Variants in FANCD2 observed in about 807,000 individuals in gnomAD.
FANCD2 encodes FA complementation group D2.
In FANCD2, 131 loss-of-function variants were observed where a neutral mutation model predicts 192.3. The observed-to-expected ratio is 0.68, with a 90% CI of 0.59 to 0.79. The LOEUF is 0.79. FANCD2 is among the 30% of genes least tolerant of loss of function. FANCD2 has a pLI of 0.00. For missense variants in FANCD2, 1,508 were observed against 1,701.6 expected (o/e 0.89, Z 2.00); for synonymous variants, 524 against 612.5 (o/e 0.86, Z 2.13).
At chr3:10,067,729 C>T (rs371961988) in intron 26 of FANCD2, among the ~76,000 whole-genome samples, 3 of 152,064 alleles carry the variant, frequency 2.0e-5, no homozygotes, top group Non-Finnish European at 2.9e-5. Context: ...ACCTGGGAGG[C>T]GGAGGTTGCA....
At chr3:10,055,528 C>T (rs1035414132) in intron 18 of FANCD2, among the ~76,000 whole-genome samples, 30 of 152,006 alleles carry the variant, frequency 2.0e-4, no homozygotes, top group African/African-American at 7.2e-4. Flanking sequence ...TAATTCCATT[C>T]TTGGCCGGGC....
At position 10,045,357 on chromosome 3, in the gene FANCD2, A is replaced by T. The variant is rs571561486; in HGVS notation, c.1135-1223A>T. 9.2e-5 allele frequency among the ~76,000 whole-genome samples: 14 copies of T among 151,982 alleles called. No individual in the cohort carries two copies. The South Asian group carries it at 2.9e-3, about 32-fold the overall frequency. ...CTAATTTTTTGTATTTTTAGTGGAAATGGGGCTTCATCATGTTAGCCAGGA... is the reference window on the plus strand; with the variant it reads ...CTAATTTTTTGTATTTTTAGTGGAATTGGGGCTTCATCATGTTAGCCAGGA... On this transcript the variant is annotated intron_variant, in intron 14 of 43. Transcript: ENST00000675286.
chr3:10,091,097 T>G (rs1195570952), intron 37 of FANCD2, among the ~76,000 whole-genome samples: 1 of 151,348 alleles, frequency 6.6e-6, no homozygotes, highest in Non-Finnish European at 1.5e-5. Context: ...TTTTTTCTTT[T>G]TGAGACAGGG....
chr3:10,068,338 C>T (rs909681605), intron 26 of FANCD2, among the ~76,000 whole-genome samples: 5 of 151,754 alleles, frequency 3.3e-5, no homozygotes, highest in Non-Finnish European at 7.4e-5. Flanking sequence ...TGTATGCCAA[C>T]AACTAAGAAT....
At chr3:10,076,766 G>A (rs768544539) in intron 29 of FANCD2, among the ~76,000 whole-genome samples, 3 of 152,042 alleles carry the variant, frequency 2.0e-5, no homozygotes, top group Admixed American at 6.6e-5. Context: ...TGCTCTGTCC[G>A]TCAGTCTGGA....
chr3:10,073,085 A>G, intron 27 of FANCD2, 104 bp downstream of exon 27: 1 of 850,948 alleles, frequency 1.2e-6, no homozygotes. Context: ...ACAATTGTAT[A>G]ACTGAACTCT....
chr3:10,030,900 C>CAA (rs111338639), intron 2 of FANCD2, among the ~76,000 whole-genome samples: 15 of 145,210 alleles, frequency 1.0e-4, no homozygotes, highest in African/African-American at 2.0e-4. Flanking sequence ...ACTCTTATCT[C>CAA]AAAAAAAAAA....
In FANCD2 at chr3:10,029,942, C is replaced by G. The variant is rs562135363; in HGVS notation, c.64+1221C>G. Among the ~76,000 whole-genome samples the G allele has an allele frequency of 3.9e-5, 6 of 152,078 alleles. No homozygotes were observed. The South Asian group carries it at 1.3e-3, about 32-fold the overall frequency. On this transcript the variant is annotated intron_variant, in intron 2 of 43. Coordinates refer to ENST00000675286, the MANE Select transcript of FANCD2 (RefSeq NM_001018115.3). ...GGGATTACAGGCGCCAGCCACCATG[C>G]CCGGCTGATTTTTTTGTATCTTTAG...
chr3:10,054,841 AT>A (rs965243952), intron 18 of FANCD2, among the ~76,000 whole-genome samples: 6 of 150,306 alleles, frequency 4.0e-5, no homozygotes, highest in East Asian at 2.0e-4. Context: ...CAGTCAGCAC[AT>A]TTTTTTTAAT....
chr3:10,053,853 C>T (rs1220028275), intron 18 of FANCD2, among the ~76,000 whole-genome samples: 1 of 152,090 alleles, frequency 6.6e-6, no homozygotes, highest in South Asian at 2.1e-4. Context: ...GCAGTGGGGA[C>T]ACAGAATTGC....
chr3:10,045,101 T>TTTTTTTTTTC (rs397948524), intron 14 of FANCD2, among the ~76,000 whole-genome samples: 2 of 149,176 alleles, frequency 1.3e-5, no homozygotes, highest in South Asian at 4.2e-4. Flanking sequence ...TTTTTTTTTT[T>TTTTTTTTTTC]CCTGGAAGCA....
chr3:10,030,754 G>C (rs1172170819), intron 2 of FANCD2, among the ~76,000 whole-genome samples: 1 of 152,064 alleles, frequency 6.6e-6, no homozygotes, highest in Non-Finnish European at 1.5e-5. Context: ...ACAAAAATTA[G>C]CTGGGCGTGG....
At chr3:10,073,497 G>A in intron 28 of FANCD2, 135 bp downstream of exon 28, 2 of 779,348 alleles carry the variant, frequency 2.6e-6, no homozygotes, top group South Asian at 1.4e-5. Context: ...AGGCGTTGGA[G>A]TAATCTCCTT....
intron 15 of FANCD2, among the ~76,000 whole-genome samples, chr3:10,047,580 T>TC (rs1266244323): frequency 2.6e-5 from 4 of 152,254 alleles, no homozygotes; most frequent in African/African-American, 9.6e-5. Flanking sequence ...AGGTGGAACA[T>TC]CCCTGGGGGT....
chr3:10,040,272 G>C (rs571716562), intron 9 of FANCD2: 98 of 331,324 alleles, frequency 3.0e-4, no homozygotes, highest in African/African-American at 1.8e-3. Context: ...TCCTGACCTT[G>C]TGATCCGCCC....
In FANCD2 at chr3:10,046,618, C is replaced by T. The variant is rs776594391; in HGVS notation, c.1173C>T (p.Thr391=). 1 of 1,614,250 alleles carries T rather than the reference C, an allele frequency of 6.2e-7. No individual in the cohort carries two copies. The highest frequency in any genetic ancestry group is 8.5e-7 in the Non-Finnish European group (1 of 1,180,038). Residue 391 remains threonine, a synonymous_variant, in exon 15 of 44, where the codon ACC becomes ACT. Transcript: ENST00000675286. Reference sequence around the variant, plus strand: ...TGATGCTTTTCATCATCTATAGCACCAATACTCAGACAAAGAAGTACATTG... The same window carrying T: ...TGATGCTTTTCATCATCTATAGCACTAATACTCAGACAAAGAAGTACATTG... ...DLVMLFIIYS[T]NTQTKKYIDR... is the part of the protein sequence containing the mutation.
intron 43 of FANCD2, chr3:10,099,526 G>C (rs1294112149): frequency 5.4e-6 from 1 of 183,686 alleles, no homozygotes; most frequent in Non-Finnish European, 1.1e-5. Flanking sequence ...TTGGGAGGCC[G>C]ATGTGGGCAG....
Position 10,036,346 on chromosome 3 carries a change from G to T in FANCD2, c.491+7G>T. ...CAGAATATTTTTTTGAAAAGTAAGT[G>T]GCGTTATTATGGAATGTTCAAAGTA... On this transcript the variant is annotated splice_region_variant and intron_variant, in intron 7 of 43. Coordinates refer to ENST00000675286, the MANE Select transcript of FANCD2 (RefSeq NM_001018115.3). 1 of 1,607,288 alleles carries T rather than the reference G, an allele frequency of 6.2e-7. No individual in the cohort carries two copies. Among genetic ancestry groups the T allele is most frequent in the South Asian group, 1.1e-5 (1 of 90,912 alleles).
At chr3:10,074,478 G>T in intron 28 of FANCD2, 52 bp from the exon 29 acceptor site, 2 of 1,499,194 alleles carry the variant, frequency 1.3e-6, no homozygotes, top group South Asian at 1.2e-5. Context: ...ATTAAAATTC[G>T]ATTAATATAG....
Sources: gnomAD v4.1 joint callset for allele counts (sites outside exome capture counted in the v4.1 genomes callset) on GRCh38, gnomAD v4.1.1 for gene constraint, MANE v1.5 for transcripts, NCBI Gene and HGNC (gene_info 2026-07-23, HGNC 2026-07-21) for gene names.